The following SLC25A21 variants were observed in gnomAD, a reference collection of about 807,000 sequenced individuals.
SLC25A21 encodes the protein solute carrier family 25 member 21.
A neutral mutation model predicts 43.8 loss-of-function variants in SLC25A21; 47 were observed. The ratio of observed to expected loss-of-function variants is 1.07; its 90% CI spans 0.85 to 1.37. The LOEUF is 1.37. Among genes scored for constraint, SLC25A21 ranks in the 40% most tolerant of loss-of-function variants. SLC25A21 has a pLI of 0.00. For missense variants in SLC25A21, 352 were observed against 350.2 expected (o/e 1.00, Z -0.04); for synonymous variants, 131 against 121.3 (o/e 1.08, Z -0.52).
intron 1 of SLC25A21, among the ~76,000 whole-genome samples, chr14:36,920,209 T>C (rs1321514316): frequency 1.3e-5 from 2 of 152,060 alleles, no homozygotes; most frequent in African/African-American, 2.4e-5. Flanking sequence ...AAGACACATA[T>C]ATATGGAAAA....
intron 1 of SLC25A21, among the ~76,000 whole-genome samples, chr14:37,170,502 T>C (rs1964105025): frequency 1.3e-5 from 2 of 152,156 alleles, no homozygotes; most frequent in African/African-American, 4.8e-5. Context: ...ATCAGGGTCA[T>C]AGACTACAAA....
chr14:36,839,837 T>C (rs1889327409), intron 2 of SLC25A21, among the ~76,000 whole-genome samples: 1 of 152,258 alleles, frequency 6.6e-6, no homozygotes, highest in African/African-American at 2.4e-5. Flanking sequence ...ATGTTACTGC[T>C]GGATATTGTA....
chr14:36,724,665 T>A (rs1884517185), intron 6 of SLC25A21, among the ~76,000 whole-genome samples: 1 of 152,172 alleles, frequency 6.6e-6, no homozygotes, highest in South Asian at 2.1e-4. Flanking sequence ...TGGAAGGAAG[T>A]GAAGGCAGCA....
rs1389660513 is a variant in SLC25A21, at chr14:36,710,432, GAA to G, written c.603+884_603+885del. Reference sequence around the variant, plus strand: ...GAAACGGGGAAAAAAAAGAAAGAAAGAAAGAAAGAAAAAGAAAGAAACAGGGT... The same window carrying G: ...GAAACGGGGAAAAAAAAGAAAGAAAGAGAAAGAAAAAGAAAGAAACAGGGT... On this transcript the variant is annotated intron_variant, in intron 7 of 9. Transcript: ENST00000331299. Among the ~76,000 whole-genome samples the G allele has an allele frequency of 2.0e-5, 3 of 151,714 alleles. No homozygotes were observed. In the South Asian group the frequency reaches 6.3e-4, roughly 32 times the overall value.
chr14:36,875,060 TC>T, intron 1 of SLC25A21, 56 bp from the exon 2 acceptor site: 1 of 1,443,060 alleles, frequency 6.9e-7, no homozygotes, highest in African/African-American at 1.4e-5. Flanking sequence ...GGTTCTTATT[TC>T]CTTGATCCCG....
intron 1 of SLC25A21, among the ~76,000 whole-genome samples, chr14:37,004,198 T>C (rs1319850607): frequency 6.6e-6 from 1 of 152,132 alleles, no homozygotes. Flanking sequence ...GAAAGAGCCA[T>C]TTGATGGTAA....
At chr14:37,043,764 T>C (rs1046560446) in intron 1 of SLC25A21, among the ~76,000 whole-genome samples, 4 of 151,988 alleles carry the variant, frequency 2.6e-5, no homozygotes, top group African/African-American at 9.7e-5. Flanking sequence ...AGAGACAGGG[T>C]CTTGCGCTGT....
chr14:36,781,738 T>G (rs111510938), intron 3 of SLC25A21, among the ~76,000 whole-genome samples: 26 of 152,356 alleles, frequency 1.7e-4, no homozygotes, highest in African/African-American at 6.3e-4. Context: ...CACTTTTGTC[T>G]TTTAACCATT....
In SLC25A21 at chr14:36,684,843, T is replaced by A; in HGVS notation, c.686A>T (p.Asp229Val). ...TIASVINIPFDVAKSRIQGPQ... is the reference protein window; with the variant it reads ...TIASVINIPFVVAKSRIQGPQ... ...CCCTTGAATCCTACTTTTGGCAACA[T>A]CAAAAGGGATGTTAATGACTGAGGC... The change falls in exon 8 of 10, where the codon GAT becomes GTT. Residue 229 changes from aspartate (D) to valine (V), a missense_variant. Asp to Val is a radical substitution (Grantham distance 152, BLOSUM62 -3). Transcript: ENST00000331299. 6.2e-7 allele frequency: 1 copy of A among 1,613,936 alleles called. No individual in the cohort carries two copies. The highest frequency in any genetic ancestry group is 8.5e-7 in the Non-Finnish European group (1 of 1,179,948).
intron 1 of SLC25A21, among the ~76,000 whole-genome samples, chr14:37,143,589 C>CATGTGTGT (rs112161063): frequency 1.3e-5 from 2 of 148,650 alleles, no homozygotes; most frequent in East Asian, 4.0e-4. Flanking sequence ...TGTTCATTAG[C>CATGTGTGT]GTGTGTGTGT....
chr14:36,848,027 C>T (rs1468707788), intron 2 of SLC25A21, among the ~76,000 whole-genome samples: 1 of 152,062 alleles, frequency 6.6e-6, no homozygotes, highest in African/African-American at 2.4e-5. Flanking sequence ...TTGGGAAACC[C>T]CGAATGGCGT....
intron 1 of SLC25A21, among the ~76,000 whole-genome samples, chr14:36,938,036 A>T (rs1892467879): frequency 6.6e-6 from 1 of 152,194 alleles, no homozygotes; most frequent in Non-Finnish European, 1.5e-5. Context: ...TGGCAACTCG[A>T]TATAATGTTT....
At chr14:37,169,920 T>C (rs1210626443) in intron 1 of SLC25A21, among the ~76,000 whole-genome samples, 2 of 152,178 alleles carry the variant, frequency 1.3e-5, no homozygotes, top group African/African-American at 2.4e-5. Context: ...TTTTATCTTA[T>C]AAATATCCTA....
intron 5 of SLC25A21, among the ~76,000 whole-genome samples, chr14:36,727,817 G>C (rs1047644151): frequency 2.6e-4 from 39 of 152,056 alleles, no homozygotes; most frequent in Admixed American, 2.6e-3. Flanking sequence ...TATTTGTATA[G>C]GGTAACTCAT....
At chr14:36,709,877 G>A (rs56183060) in intron 7 of SLC25A21, among the ~76,000 whole-genome samples, 4,728 of 152,186 alleles carry the variant, frequency 0.031, 262 homozygotes, top group African/African-American at 0.11. Context: ...ACCTCTAAGG[G>A]AAACTGCCTG....
chr14:36,909,909 C>G (rs540926928), intron 1 of SLC25A21, among the ~76,000 whole-genome samples: 1 of 151,994 alleles, frequency 6.6e-6, no homozygotes, highest in Non-Finnish European at 1.5e-5. Flanking sequence ...TACCTAAATA[C>G]GAACATTGGC....
chr14:36,854,933 T>TGG (rs569987342), intron 2 of SLC25A21, among the ~76,000 whole-genome samples: 9,782 of 133,790 alleles, frequency 0.073, 337 homozygotes, highest in East Asian at 0.15. Flanking sequence ...GGGCATGAGG[T>TGG]GGGGGGGGGT....
At chr14:36,903,650 G>T (rs1316731458) in intron 1 of SLC25A21, among the ~76,000 whole-genome samples, 27 of 124,780 alleles carry the variant, frequency 2.2e-4, no homozygotes, top group African/African-American at 7.9e-4. Flanking sequence ...AAAATTGGTC[G>T]CCAAAATTTA....
At chr14:36,759,366 CT>C (rs1347484244) in intron 3 of SLC25A21, among the ~76,000 whole-genome samples, 3 of 152,080 alleles carry the variant, frequency 2.0e-5, no homozygotes, top group Non-Finnish European at 4.4e-5. Context: ...AACAGGAGAC[CT>C]TTTTTTCTGT....
Sources: allele counts gnomAD v4.1 joint callset (sites outside exome capture counted in the v4.1 genomes callset), GRCh38; gene constraint gnomAD v4.1.1; transcripts MANE v1.5; gene names NCBI Gene and HGNC (gene_info 2026-07-23, HGNC 2026-07-21).